The following HYDIN variants were observed in gnomAD, a reference collection of about 807,000 sequenced individuals.
HYDIN encodes the protein HYDIN axonemal central pair apparatus protein, also known as axonemal central pair apparatus protein HYDIN.
In HYDIN, 132 loss-of-function variants were observed where a neutral mutation model predicts 403.9. The ratio of observed to expected loss-of-function variants is 0.33; its 90% CI spans 0.28 to 0.38. The LOEUF (loss-of-function observed/expected upper bound fraction) is 0.38. HYDIN is among the 10% of genes least tolerant of loss of function. The pLI, the probability that HYDIN is intolerant of heterozygous loss-of-function variation, is 1.00. For missense variants in HYDIN, 2,827 were observed against 5,009.5 expected, an observed-to-expected ratio of 0.56 and a Z score of 13.15; for synonymous variants, 1,202 against 1,891.7, an observed-to-expected ratio of 0.64 and a Z score of 9.46.
At position 70,892,451 on chromosome 16, in the gene HYDIN, C is replaced by T. The variant is rs2143721969; in HGVS notation, c.9327G>A (p.Leu3109=). The change falls in exon 56 of 86, where the codon CTG becomes CTA. Residue 3109 remains leucine, a synonymous_variant. Transcript: ENST00000393567. The part of the protein sequence containing the change: ...MISVQPKKGS[L]TPTEKPTNVQ... ...CATTTGTGGGTTTTTCTGTTGGGGT[C>T]AGTGAACCCTTTTTGGGTTGGACTG... The T allele has an allele frequency of 1.2e-6, 2 of 1,604,164 alleles. No homozygotes were observed. Among genetic ancestry groups the T allele is most frequent in the South Asian group, 1.1e-5 (1 of 89,540 alleles).
intron 1 of HYDIN, among the ~76,000 whole-genome samples, chr16:71,195,534 T>C (rs1298175380): frequency 6.6e-6 from 1 of 152,226 alleles, no homozygotes; most frequent in East Asian, 1.9e-4. Flanking sequence ...AGGCATTCAC[T>C]GAGTATAAGG....
At chr16:71,221,258 GA>G (rs79657027) in intron 1 of HYDIN, among the ~76,000 whole-genome samples, 25,872 of 133,174 alleles carry the variant, frequency 0.19, 2,767 homozygotes, top group Middle Eastern at 0.39. Flanking sequence ...AAGGTATAAA[GA>G]AAAAAAAAAA....
chr16:71,128,148 A>T (rs1981560), intron 9 of HYDIN, among the ~76,000 whole-genome samples: 1 of 152,230 alleles, frequency 6.6e-6, no homozygotes, highest in East Asian at 1.9e-4. Flanking sequence ...AACTTCTTTG[A>T]CTATGAAAAT....
intron 1 of HYDIN, chr16:71,203,950 G>C (rs900354157): frequency 2.8e-6 from 1 of 355,888 alleles, no homozygotes; most frequent in East Asian, 8.1e-5. Flanking sequence ...CTTTAGTCCC[G>C]GCTACTTGGG....
chr16:70,956,473 AAG>A (rs1416307523), intron 39 of HYDIN, among the ~76,000 whole-genome samples: 2 of 152,344 alleles, frequency 1.3e-5, no homozygotes, highest in Admixed American at 1.3e-4. Flanking sequence ...TTTAGGGTAA[AAG>A]AGACTTTGCA....
intron 18 of HYDIN, among the ~76,000 whole-genome samples, chr16:71,040,089 G>A (rs950907688): frequency 6.6e-6 from 1 of 151,868 alleles, no homozygotes; most frequent in Non-Finnish European, 1.5e-5. Flanking sequence ...GCTCACTCTG[G>A]CTCCTGCACC....
At chr16:71,042,660 G>T (rs1404949549) in intron 18 of HYDIN, among the ~76,000 whole-genome samples, 4 of 152,136 alleles carry the variant, frequency 2.6e-5, no homozygotes, top group Admixed American at 6.5e-5. Flanking sequence ...TTTTCATGTG[G>T]TTTTCATGTA....
intron 83 of HYDIN, 54 bp from the exon 84 acceptor site, chr16:70,818,626 G>A: frequency 1.5e-6 from 1 of 662,830 alleles, no homozygotes; most frequent in Non-Finnish European, 2.7e-6. Context: ...GTGAGCCGAG[G>A]GTCCTCTGCA....
intron 9 of HYDIN, among the ~76,000 whole-genome samples, chr16:71,128,861 C>T (rs1597840240): frequency 1.3e-5 from 2 of 151,986 alleles, no homozygotes; most frequent in African/African-American, 4.8e-5. Flanking sequence ...AGAAAGAGTG[C>T]TTAAGAGTTT....
At chr16:71,220,986 A>G (rs956132152) in intron 1 of HYDIN, among the ~76,000 whole-genome samples, 6 of 152,162 alleles carry the variant, frequency 3.9e-5, no homozygotes, top group Non-Finnish European at 8.8e-5. Flanking sequence ...GAAAACAGGG[A>G]CCAAGAAAGG....
chr16:70,809,446 T>C (rs2035314384), intron 85 of HYDIN, among the ~76,000 whole-genome samples: 1 of 152,210 alleles, frequency 6.6e-6, no homozygotes. Context: ...CTCAAACCCA[T>C]GTCTGTTTGA....
chr16:71,118,156 T>C (rs1557895), intron 9 of HYDIN, among the ~76,000 whole-genome samples: 1 of 151,064 alleles, frequency 6.6e-6, no homozygotes, highest in East Asian at 1.9e-4. Flanking sequence ...CCACTAAGGT[T>C]TGAGTTCTCT....
At chr16:71,104,002 T>C (rs2083536818) in intron 10 of HYDIN, among the ~76,000 whole-genome samples, 1 of 152,158 alleles carries the variant, frequency 6.6e-6, no homozygotes, top group Non-Finnish European at 1.5e-5. Context: ...GTCAAATTTA[T>C]CTCTAATTAT....
intron 5 of HYDIN, among the ~76,000 whole-genome samples, chr16:71,169,923 T>C (rs1240699216): frequency 3.3e-5 from 5 of 152,356 alleles, no homozygotes; most frequent in Non-Finnish European, 7.3e-5. Flanking sequence ...AACCTCATGT[T>C]GAACACCACA....
rs887792273 is a variant in HYDIN, at chr16:70,813,532, G to A, written c.14659-3525C>T. On this transcript the variant is annotated intron_variant, in intron 84 of 85. Coordinates refer to ENST00000393567, the MANE Select transcript of HYDIN (RefSeq NM_001270974.2). ...CCTGAGCCCAAACCACCTGGCCAAG[G>A]TGCTGCTCTTAAATCCTGATCCTCA... is the stretch of plus-strand genomic sequence containing the variant. Among the ~76,000 whole-genome samples the A allele has an allele frequency of 1.4e-3, 213 of 150,638 alleles. 1 individual carries two copies. Among genetic ancestry groups the A allele is most frequent in the Non-Finnish European group, 2.8e-3 (186 of 67,038 alleles).
At chr16:70,878,664 T>C (rs987854565) in intron 62 of HYDIN, among the ~76,000 whole-genome samples, 5 of 146,640 alleles carry the variant, frequency 3.4e-5, no homozygotes, top group Admixed American at 1.3e-4. Flanking sequence ...TTGTTTTGTT[T>C]TTTGGCTTCT....
intron 39 of HYDIN, 45 bp from the exon 40 acceptor site, chr16:70,955,593 T>C: frequency 2.4e-6 from 2 of 843,846 alleles, no homozygotes; most frequent in South Asian, 1.6e-5. Flanking sequence ...GCTCATTTGC[T>C]CAGTGTCCCA....
intron 41 of HYDIN, 80 bp from the exon 42 acceptor site, chr16:70,944,029 T>G (rs1477974431): frequency 9.4e-7 from 1 of 1,058,586 alleles, no homozygotes; most frequent in African/African-American, 1.5e-5. Flanking sequence ...CCACAGGACC[T>G]TGGGAAGATC....
chr16:70,818,336 C>T lies in HYDIN; in HGVS notation c.14658+6G>A, dbSNP rs2656744. ...CAGGGAGCCCCCGACAGCCAAGGGG[C>T]CGTACCTCGGAGTTGGCAGGCACCA... On this transcript the variant is annotated splice_donor_region_variant and intron_variant, in intron 84 of 85. Transcript: ENST00000393567. The T allele has an allele frequency of 8.1e-6, 13 of 1,608,982 alleles. No individual in the cohort carries two copies. Among genetic ancestry groups the T allele is most frequent in the Non-Finnish European group, 1.1e-5 (13 of 1,177,156 alleles).
Sources: gnomAD v4.1 joint callset for allele counts (sites outside exome capture counted in the v4.1 genomes callset) on GRCh38, gnomAD v4.1.1 for gene constraint, MANE v1.5 for transcripts, NCBI Gene and HGNC (gene_info 2026-07-23, HGNC 2026-07-21) for gene names.